Variants in NFIB observed in about 807,000 individuals in gnomAD.
The protein encoded by NFIB is nuclear factor I B, also known as nuclear factor 1 B-type.
A neutral mutation model predicts 61.5 loss-of-function variants in NFIB; 11 were observed. The ratio of observed to expected loss-of-function variants is 0.18; its 90% CI spans 0.11 to 0.30. The LOEUF is 0.30. Among genes scored for constraint, NFIB ranks in the 10% least tolerant of loss-of-function variants. The pLI is 1.00. For synonymous variants in NFIB, 260 were observed against 216.5 expected (o/e 1.20, Z -1.76); for missense variants, 471 against 608.9 (o/e 0.77, Z 2.38).
chr9:14,295,174 A>G (rs1030694760), intron 2 of NFIB, among the ~76,000 whole-genome samples: 2 of 152,260 alleles, frequency 1.3e-5, no homozygotes, highest in Non-Finnish European at 2.9e-5. Context: ...AATGGGAAAG[A>G]GTGACTTAAA....
chr9:14,137,075 T>G (rs868787556), intron 6 of NFIB, among the ~76,000 whole-genome samples: 8 of 152,302 alleles, frequency 5.3e-5, no homozygotes, highest in Middle Eastern at 3.4e-3. Flanking sequence ...ATGGACCAAT[T>G]ACATTTGTGA....
At chr9:14,501,134 T>A in the NFIB span, among the ~76,000 whole-genome samples, 1 of 152,234 alleles carries the variant, frequency 6.6e-6, no homozygotes, top group African/African-American at 2.4e-5. Context: ...TGATGAGTGG[T>A]GAGTGGGAAC....
chr9:14,219,895 T>G (rs1429155158), intron 2 of NFIB, among the ~76,000 whole-genome samples: 1 of 152,218 alleles, frequency 6.6e-6, no homozygotes, highest in East Asian at 1.9e-4. Context: ...TACATCAGAA[T>G]CTACACTGGG....
chr9:14,365,698 C>G (rs557534809), intron 1 of NFIB, among the ~76,000 whole-genome samples: 1 of 152,204 alleles, frequency 6.6e-6, no homozygotes, highest in Non-Finnish European at 1.5e-5. Context: ...ATTCATCCAA[C>G]AAACATATGC....
chr9:14,423,207 G>A, the NFIB span, among the ~76,000 whole-genome samples: 2 of 152,034 alleles, frequency 1.3e-5, no homozygotes, highest in African/African-American at 4.8e-5. Flanking sequence ...AATCAGATCG[G>A]GGCAAAACGT....
intron 1 of NFIB, among the ~76,000 whole-genome samples, chr9:14,348,594 C>T (rs1270992487): frequency 6.6e-6 from 1 of 152,236 alleles, no homozygotes; most frequent in African/African-American, 2.4e-5. Flanking sequence ...GGCCAGCGCC[C>T]GGGTGAAACT....
chr9:14,228,117 T>C (rs541588036), intron 2 of NFIB, among the ~76,000 whole-genome samples: 8 of 152,122 alleles, frequency 5.3e-5, no homozygotes, highest in African/African-American at 1.4e-4. Context: ...GTTAAACTAC[T>C]GACTTTAAAA....
the NFIB span, among the ~76,000 whole-genome samples, chr9:14,420,429 G>C: frequency 3.5e-5 from 3 of 86,100 alleles, no homozygotes; most frequent in East Asian, 9.5e-4. Context: ...CTGGGCAACA[G>C]AGCGAGACTC....
upstream of NFIB, among the ~76,000 whole-genome samples, chr9:14,314,861 C>A (rs908969252): frequency 6.6e-5 from 10 of 151,844 alleles, no homozygotes; most frequent in East Asian, 1.9e-4. Flanking sequence ...ATACACACCC[C>A]CGAAAACCCG....
At chr9:14,394,663 C>A (rs902786198) in intron 1 of NFIB, among the ~76,000 whole-genome samples, 22 of 152,190 alleles carry the variant, frequency 1.4e-4, no homozygotes, top group Non-Finnish European at 2.8e-4. Context: ...GGTGGGGACA[C>A]AACCAAATCA....
intron 10 of NFIB, among the ~76,000 whole-genome samples, chr9:14,109,330 T>C (rs1456245097): frequency 6.6e-6 from 1 of 151,950 alleles, no homozygotes; most frequent in Non-Finnish European, 1.5e-5. Context: ...ATTTGCACAA[T>C]GTGTTCGTGA....
At chr9:14,329,947 C>A (rs1043616282) in intron 1 of NFIB, among the ~76,000 whole-genome samples, 1 of 151,842 alleles carries the variant, frequency 6.6e-6, no homozygotes, top group Non-Finnish European at 1.5e-5. Context: ...TACGGTGAAA[C>A]CCCGTCTCTA....
intron 2 of NFIB, among the ~76,000 whole-genome samples, chr9:14,200,826 T>G (rs2048959350): frequency 6.6e-6 from 1 of 152,214 alleles, no homozygotes; most frequent in South Asian, 2.1e-4. Flanking sequence ...TACCCGTTTT[T>G]TGAGAACTCT....
intron 2 of NFIB, among the ~76,000 whole-genome samples, chr9:14,181,384 C>T (rs557881463): frequency 2.8e-4 from 43 of 152,256 alleles, no homozygotes; most frequent in African/African-American, 9.4e-4. Context: ...TCATCTGGCT[C>T]GAGTCTCCTG....
At position 14,247,139 on chromosome 9, in the gene NFIB, T is replaced by G. The variant is rs1345682435; in HGVS notation, c.562+59850A>C. 2.0e-5 allele frequency among the ~76,000 whole-genome samples: 3 copies of G among 152,204 alleles called. No homozygotes were observed. The East Asian group carries it at 5.8e-4, about 29-fold the overall frequency. On this transcript the variant is annotated intron_variant, in intron 2 of 10. Transcript: ENST00000380953. ...CTCCAGGACTGTGAGAAAAGAAATT[T>G]CTACCATTTAAGCCACCCAGTCTAT...
At chr9:14,305,530 T>A (rs1385374438) in intron 2 of NFIB, among the ~76,000 whole-genome samples, 1 of 152,226 alleles carries the variant, frequency 6.6e-6, no homozygotes, top group East Asian at 1.9e-4. Context: ...CAAACCATCA[T>A]TATTTGGACT....
At chr9:14,255,064 A>G (rs540866958) in intron 2 of NFIB, among the ~76,000 whole-genome samples, 1 of 152,102 alleles carries the variant, frequency 6.6e-6, no homozygotes, top group Non-Finnish European at 1.5e-5. Context: ...TCTTCAAAAT[A>G]AAAATAAAAA....
the NFIB span, among the ~76,000 whole-genome samples, chr9:14,529,416 C>T: frequency 6.6e-5 from 10 of 152,100 alleles, no homozygotes; most frequent in Non-Finnish European, 1.3e-4. Flanking sequence ...ACACAAAGAG[C>T]CCAGAGTTAT....
intron 3 of NFIB, among the ~76,000 whole-genome samples, chr9:14,164,951 G>A (rs975320574): frequency 6.6e-6 from 1 of 152,162 alleles, no homozygotes; most frequent in Non-Finnish European, 1.5e-5. Context: ...CATTCAGAAT[G>A]TGGTTCCAGA....
Sources: allele counts gnomAD v4.1 joint callset (sites outside exome capture counted in the v4.1 genomes callset), GRCh38; gene constraint gnomAD v4.1.1; transcripts MANE v1.5; gene names NCBI Gene and HGNC (gene_info 2026-07-23, HGNC 2026-07-21).